The following PTPRH variants were observed in gnomAD, a reference collection of about 807,000 sequenced individuals.
PTPRH encodes the protein receptor-type tyrosine-protein phosphatase H.
A neutral mutation model predicts 130.2 loss-of-function variants in PTPRH; 113 were observed. The ratio of observed to expected loss-of-function variants is 0.87; its 90% CI spans 0.75 to 1.01. PTPRH has a LOEUF of 1.01. PTPRH is among the 50% of genes least tolerant of loss of function. The pLI is 0.00. For missense variants in PTPRH, 1,430 were observed against 1,425.0 expected (o/e 1.00, Z -0.06); for synonymous variants, 556 against 577.9 (o/e 0.96, Z 0.54).
chr19:55,209,188 C>T lies in PTPRH; in HGVS notation c.51+195G>A, dbSNP rs2087164979. Among the ~76,000 whole-genome samples the T allele has an allele frequency of 6.6e-6, 1 of 152,058 alleles. No individual in the cohort carries two copies. Among genetic ancestry groups the T allele is most frequent in the Non-Finnish European group, 1.5e-5 (1 of 67,982 alleles). ...GCCCGGGTGAAGCTGGTGTCCCCCG[C>T]AGCAGACACGACAGTATCTAAGAGC... On this transcript the variant is annotated intron_variant, in intron 1 of 19. Transcript: ENST00000376350. The surrounding 1 kb of genome is among the most constrained non-coding windows in gnomAD (Gnocchi z 4.1).
intron 8 of PTPRH, among the ~76,000 whole-genome samples, chr19:55,197,924 A>G (rs1359795005): frequency 1.3e-5 from 2 of 152,178 alleles, no homozygotes; most frequent in African/African-American, 4.8e-5. Context: ...AAAGAGTTCC[A>G]GGTTCAGGCC....
intron 10 of PTPRH, among the ~76,000 whole-genome samples, chr19:55,195,495 CAAAACAAAAACA>C (rs1247061547): frequency 6.6e-6 from 1 of 151,996 alleles, no homozygotes; most frequent in Non-Finnish European, 1.5e-5. Flanking sequence ...GAGTGAGTCT[CAAAACAAAAACA>C]AAAACAAAAA....
In PTPRH at chr19:55,196,659, T is replaced by G. The variant is rs1300960929; in HGVS notation, c.2120A>C (p.Gln707Pro). 1 of 1,614,056 alleles carries G rather than the reference T, an allele frequency of 6.2e-7. No individual in the cohort carries two copies. Among genetic ancestry groups the G allele is most frequent in the South Asian group, 1.1e-5 (1 of 91,068 alleles). Residue 707 changes from glutamine to proline, a missense_variant, in exon 10 of 20, where the codon CAG (glutamine) becomes CCG (proline). Transcript: ENST00000376350. ...AGCCTCCCCACATGAAGATCTGTCC[T>G]GGGAGCCCCGCTGTCCTCCCACCTC... ...ELEVGGQRGS[Q>P]DRSSCGEAVS...
At position 55,196,630 on chromosome 19, in the gene PTPRH, A is replaced by G; in HGVS notation, c.2149T>C (p.Ser717Pro). 6.2e-7 allele frequency: 1 copy of G among 1,614,012 alleles called. No individual in the cohort carries two copies. Among genetic ancestry groups the G allele is most frequent in the Non-Finnish European group, 8.5e-7 (1 of 1,179,992 alleles). The change falls in exon 10 of 20, where the codon TCT becomes CCT. Residue 717 changes from serine to proline, a missense_variant. By Grantham distance (74) the Ser-to-Pro change is moderately conservative. Transcript: ENST00000376350. ...QDRSSCGEAV[S>P]VLGLGPARSY... ...CGAGCCGGCCCGAGACCCAACACAG[A>G]CACAGCCTCCCCACATGAAGATCTG...
chr19:55,187,360 A>AG (rs2086386427), intron 14 of PTPRH, among the ~76,000 whole-genome samples, 153 bp downstream of exon 14: 1 of 109,062 alleles, frequency 9.2e-6, no homozygotes, highest in South Asian at 3.2e-4. Flanking sequence ...AAAAAAAAAA[A>AG]GAAAAAAAGA....
Position 55,207,157 on chromosome 19 carries a change from G to A in PTPRH, c.85+9C>T. 6.2e-7 allele frequency: 1 copy of A among 1,613,236 alleles called. No homozygotes were observed. Among genetic ancestry groups the A allele is most frequent in the Non-Finnish European group, 8.5e-7 (1 of 1,179,740 alleles). Reference sequence around the variant, plus strand: ...GAGTGGGCAGTGAGTTCAGGCAGGGGTCACTCACCAGGCGCCCTGGCCCCT... The same window carrying A: ...GAGTGGGCAGTGAGTTCAGGCAGGGATCACTCACCAGGCGCCCTGGCCCCT... On this transcript the variant is annotated intron_variant, in intron 2 of 19. Transcript: ENST00000376350.
rs746845784 is a variant in PTPRH, at chr19:55,186,545, G to A, written c.2567-5C>T. The A allele has an allele frequency of 7.4e-6, 12 of 1,614,134 alleles. No individual in the cohort carries two copies. The Middle Eastern group carries it at 1.6e-3, about 222-fold the overall frequency. ...GGGGCACCCGGGACCAGTCATCTAG[G>A]AGAAGAGGCCAGCATTAGCCAGGCA... On this transcript the variant is annotated splice_region_variant and splice_polypyrimidine_tract_variant and intron_variant, in intron 14 of 19. Transcript: ENST00000376350.
intron 12 of PTPRH, among the ~76,000 whole-genome samples, chr19:55,191,211 CTGTT>C: frequency 6.6e-6 from 1 of 152,180 alleles, no homozygotes; most frequent in South Asian, 2.1e-4. Flanking sequence ...GTTTCATTTG[CTGTT>C]TGTTTGGCAC....
chr19:55,207,116 GCGGTCCCA>G, intron 2 of PTPRH, 42 bp downstream of exon 2: 1 of 1,609,224 alleles, frequency 6.2e-7, no homozygotes. Flanking sequence ...CACGGCAGTT[GCGGTCCCA>G]CCTCTTCGAG....
rs756197431 is a variant in PTPRH, at chr19:55,197,347, G to T, written c.1760C>A (p.Ala587Asp). ...TKNSVMLWWK[A>D]PGDPHSQLYV... ...CAACTGAGAGTGGGGGTCTCCAGGG[G>T]CCTTCCACCACAGCATGACTGAGTT... is the stretch of plus-strand genomic sequence containing the variant. The change falls in exon 9 of 20, where the codon GCC (alanine) becomes GAC (aspartate). Residue 587 changes from alanine (A) to aspartate (D), a missense_variant. Coordinates refer to ENST00000376350, the MANE Select transcript of PTPRH (RefSeq NM_002842.5). 2.5e-6 allele frequency: 4 copies of T among 1,614,084 alleles called. No homozygotes were observed. The African/African-American group carries it at 5.3e-5, about 22-fold the overall frequency.
rs754961335 is a variant in PTPRH at position 55,202,184 on chromosome 19, C to T, written c.1025G>A (p.Gly342Glu). Residue 342 changes from glycine (G) to glutamate (E), a missense_variant, in exon 6 of 20, where the codon GGG (glycine) becomes GAG (glutamate). Coordinates refer to ENST00000376350, the MANE Select transcript of PTPRH (RefSeq NM_002842.5). ...VEYTGDGGRA[G>E]TRSTAHTNIT... ...GTTGGTGTGTGCTGTGCTTCGAGTC[C>T]CTGCTCTGCCACCATCTCCAGTGTA... 3.1e-6 allele frequency: 5 copies of T among 1,614,042 alleles called. No homozygotes were observed. The highest frequency in any genetic ancestry group is 4.2e-6 in the Non-Finnish European group (5 of 1,180,034).
chr19:55,191,575 G>A, intron 11 of PTPRH, 27 bp from the exon 12 acceptor site: 1 of 1,613,810 alleles, frequency 6.2e-7, no homozygotes, highest in Non-Finnish European at 8.5e-7. Flanking sequence ...AGGATGAGAG[G>A]CTCAGGGGGT....
chr19:55,207,280 C>T (rs1363970152), intron 1 of PTPRH, 81 bp from the exon 2 acceptor site: 1 of 1,491,242 alleles, frequency 6.7e-7, no homozygotes, highest in Non-Finnish European at 9.1e-7. Flanking sequence ...GGAGGAGCGG[C>T]TGGTCCCCGC....
chr19:55,190,490 AATTTATATATTATATT>A (rs991155062), intron 12 of PTPRH, among the ~76,000 whole-genome samples: 22 of 118,556 alleles, frequency 1.9e-4, no homozygotes, highest in Admixed American at 9.4e-4. Flanking sequence ...TATATTATAT[AATTTATATATTATATT>A]ATATATAATG....
At chr19:55,208,137 G>T (rs1164563516) in intron 1 of PTPRH, among the ~76,000 whole-genome samples, 1 of 85,178 alleles carries the variant, frequency 1.2e-5, no homozygotes, top group Non-Finnish European at 2.2e-5. Context: ...GGGCCTGGGG[G>T]CCTGGGTCTG....
intron 10 of PTPRH, among the ~76,000 whole-genome samples, chr19:55,196,125 C>T (rs1305040963): frequency 1.3e-5 from 2 of 152,138 alleles, no homozygotes; most frequent in African/African-American, 4.8e-5. Context: ...CGGTGGCCCA[C>T]ACCTGTAATC....
rs1385895028 is a variant in PTPRH at position 55,206,858 on chromosome 19, G to C, written c.183C>G (p.Ser61=). 3 of 1,614,140 alleles carry C rather than the reference G, an allele frequency of 1.9e-6. No individual in the cohort carries two copies. Among genetic ancestry groups the C allele is most frequent in the Non-Finnish European group, 2.5e-6 (3 of 1,180,008 alleles). ...EVPDGLDSQN[S]NYWVQCTGDG... Reference sequence around the variant, plus strand: ...CTCCAGTACACTGAACCCAGTAGTTGGAGTTCTGTGAGTCTAGGCCATCGG... The same window carrying C: ...CTCCAGTACACTGAACCCAGTAGTTCGAGTTCTGTGAGTCTAGGCCATCGG... The change falls in exon 3 of 20, where the codon TCC becomes TCG. Residue 61 remains serine (S), a synonymous_variant. Transcript: ENST00000376350.
At chr19:55,203,252 G>A (rs1353313204) in intron 5 of PTPRH, among the ~76,000 whole-genome samples, 4 of 149,538 alleles carry the variant, frequency 2.7e-5, no homozygotes, top group South Asian at 4.3e-4. Flanking sequence ...GCCTGAACCC[G>A]GGAGGCAGAG....
chr19:55,201,794 T>G (rs1391647736), intron 6 of PTPRH, among the ~76,000 whole-genome samples: 2 of 152,232 alleles, frequency 1.3e-5, no homozygotes, highest in East Asian at 3.9e-4. Flanking sequence ...CACATTCCTC[T>G]TGGTGCAGGA....
Sources: allele counts gnomAD v4.1 joint callset (sites outside exome capture counted in the v4.1 genomes callset), GRCh38; gene constraint gnomAD v4.1.1; non-coding constraint Gnocchi (gnomAD v3.1); transcripts MANE v1.5; gene names NCBI Gene and HGNC (gene_info 2026-07-23, HGNC 2026-07-21).